The following IL2 variants were observed in gnomAD, a reference collection of about 807,000 sequenced individuals.
IL2 encodes the protein interleukin 2, also known as interleukin-2.
Under a neutral mutation model 14.6 loss-of-function variants are expected in IL2, and 3 were observed. The ratio of observed to expected loss-of-function variants is 0.21; its 90% CI spans 0.09 to 0.53. IL2 has a LOEUF of 0.53. Among genes scored for constraint, IL2 ranks in the 20% least tolerant of loss-of-function variants. IL2 has a pLI of 0.95. For missense variants in IL2, 125 were observed against 170.8 expected, an observed-to-expected ratio of 0.73 and a Z score of 1.50; for synonymous variants, 71 against 60.0, an observed-to-expected ratio of 1.18 and a Z score of -0.85.
chr4:122,452,300 T>C (rs192787639), intron 3 of IL2, among the ~76,000 whole-genome samples: 291 of 152,196 alleles, frequency 1.9e-3, no homozygotes, highest in African/African-American at 6.7e-3. Flanking sequence ...AGTCTCCTAT[T>C]TTTCTACTTA....
intron 3 of IL2, among the ~76,000 whole-genome samples, chr4:122,453,216 T>C (rs1797693489): frequency 6.6e-6 from 1 of 151,772 alleles, no homozygotes; most frequent in Non-Finnish European, 1.5e-5. Context: ...TCTAAAAAGA[T>C]TGTTGTTTGT....
intron 2 of IL2, 121 bp downstream of exon 2, chr4:122,456,023 A>G (rs1051285303): frequency 2.9e-6 from 2 of 697,992 alleles, no homozygotes; most frequent in African/African-American, 3.6e-5. Flanking sequence ...TGGGTTTTCA[A>G]AAAAACAAAT....
intron 3 of IL2, among the ~76,000 whole-genome samples, chr4:122,452,726 C>A (rs1355527950): frequency 1.3e-5 from 2 of 151,880 alleles, no homozygotes; most frequent in African/African-American, 4.8e-5. Flanking sequence ...TGTTCTGTAT[C>A]CTCTTAAGCA....
Position 122,456,026 on chromosome 4 carries a change from A to G in IL2, c.207+118T>C, listed in dbSNP as rs543884768. 2.5e-5 allele frequency: 18 copies of G among 707,904 alleles called. No individual in the cohort carries two copies. The African/African-American group carries it at 3.3e-4, about 13-fold the overall frequency. 43.9% of individuals were successfully genotyped at this position (707,904 alleles called of 1,614,324 possible). A position where few individuals can be genotyped will look rare whatever the true frequency, so the allele number is the denominator to read the frequency against. ...CATTATCAAACTTGGGTTTTCAAAA[A>G]AACAAATTAAAGTTACTCTTTACCT... On this transcript the variant is annotated intron_variant, in intron 2 of 3. Coordinates refer to ENST00000226730, the MANE Select transcript of IL2 (RefSeq NM_000586.4).
intron 3 of IL2, 64 bp downstream of exon 3, chr4:122,453,646 G>A (rs1239944202): frequency 1.4e-5 from 19 of 1,372,628 alleles, no homozygotes; most frequent in Non-Finnish European, 1.9e-5. Flanking sequence ...ACTTTAAAAT[G>A]TGGTACTTTT....
chr4:122,455,754 T>G (rs996586108), intron 2 of IL2, among the ~76,000 whole-genome samples: 1 of 151,922 alleles, frequency 6.6e-6, no homozygotes, highest in Non-Finnish European at 1.5e-5. Context: ...TTAGAAACCT[T>G]TCCTAAAACA....
intron 1 of IL2, 33 bp from the exon 2 acceptor site, chr4:122,456,236 T>C: frequency 6.3e-7 from 1 of 1,597,630 alleles, no homozygotes; most frequent in Non-Finnish European, 8.6e-7. Context: ...TATTAAGAAA[T>C]GATCTCCAGC....
At chr4:122,454,046 C>G (rs981248789) in intron 2 of IL2, among the ~76,000 whole-genome samples, 193 bp from the exon 3 acceptor site, 2 of 151,792 alleles carry the variant, frequency 1.3e-5, no homozygotes, top group Non-Finnish European at 2.9e-5. Flanking sequence ...CTATGACTAG[C>G]GTTAAGTGAT....
chr4:122,455,317 G>T (rs1028623211), intron 2 of IL2, among the ~76,000 whole-genome samples: 10 of 151,726 alleles, frequency 6.6e-5, no homozygotes, highest in African/African-American at 2.4e-4. Context: ...ATGTAGCCTA[G>T]GAGCTTGGAT....
chr4:122,454,910 A>G (rs755841348), intron 2 of IL2, among the ~76,000 whole-genome samples: 1 of 151,868 alleles, frequency 6.6e-6, no homozygotes, highest in African/African-American at 2.4e-5. Flanking sequence ...AGGTAGGTCA[A>G]GACAATACCA....
At position 122,456,505 on chromosome 4, in the gene IL2, G is replaced by T; in HGVS notation, c.-65C>A. Reference sequence around the variant, plus strand: ...AGAGTGATAGGGAACTCTTGAACAAGAGATGCAATTTATACTGTTAATTCT... The same window carrying T: ...AGAGTGATAGGGAACTCTTGAACAATAGATGCAATTTATACTGTTAATTCT... On this transcript the variant is annotated 5_prime_UTR_variant, in exon 1 of 4. Transcript: ENST00000226730. 7.8e-7 allele frequency: 1 copy of T among 1,290,044 alleles called. No individual in the cohort carries two copies. The highest frequency in any genetic ancestry group is 1.1e-6 in the Non-Finnish European group (1 of 925,434). 79.9% of individuals were successfully genotyped at this position (1,290,044 alleles called of 1,614,324 possible).
intron 3 of IL2, among the ~76,000 whole-genome samples, chr4:122,453,158 C>T (rs1451437146): frequency 6.6e-6 from 1 of 151,868 alleles, no homozygotes; most frequent in Non-Finnish European, 1.5e-5. Flanking sequence ...ATATTTTATG[C>T]TTCCTGTGCA....
chr4:122,455,917 T>G (rs2065449507), intron 2 of IL2, among the ~76,000 whole-genome samples: 1 of 151,842 alleles, frequency 6.6e-6, no homozygotes, highest in African/African-American at 2.4e-5. Flanking sequence ...AAAGTGAGAA[T>G]ATTATTTTTA....
rs1797699515 is a variant in IL2 at position 122,453,737 on chromosome 4, A to G, written c.324T>C (p.Asn108=). The change falls in exon 3 of 4, where the codon AAT becomes AAC. Residue 108 remains asparagine, a synonymous_variant. Transcript: ENST00000226730. ...FHLRPRDLIS[N]INVIVLELKG... The stretch of plus-strand genomic sequence containing the variant: ...TTAGTTCCAGAACTATTACGTTGAT[A>G]TTGCTGATTAAGTCCCTGGGTCTTA... The G allele has an allele frequency of 6.2e-7, 1 of 1,610,216 alleles. No homozygotes were observed. Among genetic ancestry groups the G allele is most frequent in the African/African-American group, 1.3e-5 (1 of 74,496 alleles).
chr4:122,456,337 T>C lies in IL2; in HGVS notation c.104A>G (p.Glu35Gly). 6.2e-7 allele frequency: 1 copy of C among 1,611,644 alleles called. No individual in the cohort carries two copies. The highest frequency in any genetic ancestry group is 8.5e-7 in the Non-Finnish European group (1 of 1,178,228). Reference protein sequence around the residue: ...SSTKKTQLQLEHLLLDLQMIL... With the variant: ...SSTKKTQLQLGHLLLDLQMIL... ...CATCTGTAAATCCAGCAGTAAATGC[T>C]CCAGTTGTAGCTGTGTTTTCTTTGT... The change falls in exon 1 of 4, where the codon GAG (glutamate) becomes GGG (glycine). Residue 35 changes from glutamate (E) to glycine (G), a missense_variant. Glu to Gly is a moderately conservative substitution (Grantham distance 98). Coordinates refer to ENST00000226730, the MANE Select transcript of IL2 (RefSeq NM_000586.4).
intron 2 of IL2, among the ~76,000 whole-genome samples, chr4:122,455,787 C>T (rs961281004): frequency 4.0e-5 from 6 of 151,756 alleles, no homozygotes; most frequent in African/African-American, 1.2e-4. Flanking sequence ...TAAAAGTGGG[C>T]TCCTTGGAAA....
At chr4:122,452,203 C>T (rs1353615995) in intron 3 of IL2, among the ~76,000 whole-genome samples, 1 of 151,990 alleles carries the variant, frequency 6.6e-6, no homozygotes, top group Non-Finnish European at 1.5e-5. Context: ...GATCGCTTTT[C>T]CTCTGAATGT....
chr4:122,456,122 G>T (rs55727846), intron 2 of IL2, 22 bp downstream of exon 2: 3 of 1,531,628 alleles, frequency 2.0e-6, no homozygotes, highest in East Asian at 4.5e-5. Context: ...AACAGAAATT[G>T]AACATAAAAT....
intron 3 of IL2, 34 bp from the exon 4 acceptor site, chr4:122,451,896 A>T: frequency 9.5e-6 from 11 of 1,159,290 alleles, no homozygotes; most frequent in Non-Finnish European, 1.4e-5. Flanking sequence ...TTTAAAGTAC[A>T]GAGTAGTTTA....
Sources: gnomAD v4.1 joint callset for allele counts (sites outside exome capture counted in the v4.1 genomes callset) on GRCh38, gnomAD v4.1.1 for gene constraint, MANE v1.5 for transcripts, NCBI Gene and HGNC (gene_info 2026-07-23, HGNC 2026-07-21) for gene names.